UBE2A: variants seen among roughly 807,000 people sequenced by gnomAD.
UBE2A encodes ubiquitin conjugating enzyme E2 A.
For synonymous variants in UBE2A, 39 were observed against 41.1 expected (o/e 0.95, Z 0.20); for missense variants, 27 against 125.8 (o/e 0.21, Z 3.76).
At chrX:119,574,784 G>A (rs1255593153) in intron 1 of UBE2A, 29 bp downstream of exon 1, 7 of 1,183,422 alleles carry the variant, frequency 5.9e-6, no homozygotes, top group Non-Finnish European at 7.9e-6. Context: ...CGAGGCCGGG[G>A]GTTGCGAGCT....
At chrX:119,575,350 C>G (rs760578787) in intron 2 of UBE2A, 25 bp from the exon 3 acceptor site, 23 of 1,210,027 alleles carry the variant, frequency 1.9e-5, no homozygotes, top group Non-Finnish European at 2.3e-5. Flanking sequence ...TAAGTGGGAA[C>G]TGACCATTTT....
At chrX:119,580,842 T>C (rs1304272325) in intron 3 of UBE2A, 1 of 112,059 alleles carries the variant, frequency 8.9e-6, no homozygotes, top group Non-Finnish European at 1.9e-5. Flanking sequence ...ATTTTAAAAT[T>C]ATTTCTGCCA....
intron 4 of UBE2A, 38 bp downstream of exon 4, chrX:119,581,634 T>C: frequency 2.0e-6 from 2 of 1,014,188 alleles, no homozygotes; most frequent in Non-Finnish European, 2.8e-6. Context: ...TAAACTACTA[T>C]AGTGTTTATT....
chrX:119,577,180 C>T (rs1344818089), intron 3 of UBE2A: 1 of 112,326 alleles, frequency 8.9e-6, no homozygotes, highest in Non-Finnish European at 1.9e-5. Context: ...GCCTTGGCCT[C>T]CCAAAGTGCT....
chrX:119,578,086 C>A (rs1244011332), intron 3 of UBE2A, among the ~76,000 whole-genome samples: 4 of 111,710 alleles, frequency 3.6e-5, no homozygotes, highest in Non-Finnish European at 3.8e-5. Flanking sequence ...ACTTTTGCTT[C>A]TTTGTTGTAA....
Position 119,575,298 on chromosome X carries a change from C to A in UBE2A, c.126-77C>A, listed in dbSNP as rs1278684122. ...TAGCGGTGCTGGAGATGGCAGAGCT[C>A]GGGATAGCCATCTCAGATGAAGCAG... On this transcript the variant is annotated intron_variant, in intron 2 of 5. Transcript: ENST00000371558. 1.1e-4 allele frequency: 129 copies of A among 1,174,830 alleles called. 2 individuals carry two copies. The East Asian group carries it at 3.8e-3, about 35-fold the overall frequency.
At chrX:119,579,966 T>C (rs1359026548) in intron 3 of UBE2A, among the ~76,000 whole-genome samples, 1 of 112,022 alleles carries the variant, frequency 8.9e-6, no homozygotes, top group Admixed American at 9.5e-5. Context: ...CAATAAATAC[T>C]GAAAAGGAAG....
At chrX:119,578,169 T>C (rs1344597558) in intron 3 of UBE2A, among the ~76,000 whole-genome samples, 1 of 111,762 alleles carries the variant, frequency 8.9e-6, no homozygotes, top group Non-Finnish European at 1.9e-5. Context: ...CAAGCAACAC[T>C]TAAGGGTATT....
In UBE2A at chrX:119,575,409, G is replaced by A; in HGVS notation, c.151+9G>A. The A allele has an allele frequency of 8.3e-7, 1 of 1,211,580 alleles. No homozygotes were observed. Among genetic ancestry groups the A allele is most frequent in the African/African-American group, 1.7e-5 (1 of 57,722 alleles). On this transcript the variant is annotated intron_variant, in intron 3 of 5. Transcript: ENST00000371558. ...GACCCCGTTTGAGGATGGTAAGAGA[G>A]AGTTTCTTTACCCACTTTTCAGGAG...
chrX:119,576,435 T>TA (rs1433357682), intron 3 of UBE2A, among the ~76,000 whole-genome samples: 1 of 110,838 alleles, frequency 9.0e-6, no homozygotes, highest in East Asian at 2.8e-4. Flanking sequence ...TTTGAGGTTT[T>TA]AAAAAAAAGG....
chrX:119,576,758 A>C (rs2053418613), intron 3 of UBE2A, among the ~76,000 whole-genome samples: 1 of 111,582 alleles, frequency 9.0e-6, no homozygotes, highest in Non-Finnish European at 1.9e-5. Flanking sequence ...GGTAAATATC[A>C]TTACTCTTCA....
chrX:119,577,333 T>G (rs1336045372), intron 3 of UBE2A, among the ~76,000 whole-genome samples: 4 of 112,137 alleles, frequency 3.6e-5, no homozygotes, highest in African/African-American at 1.3e-4. Flanking sequence ...TACTCTGTTT[T>G]ATGCTGGGCA....
At chrX:119,582,527 C>G (rs973774826) in intron 4 of UBE2A, 61 bp from the exon 5 acceptor site, 3 of 919,178 alleles carry the variant, frequency 3.3e-6, no homozygotes, top group Non-Finnish European at 4.7e-6. Context: ...TTTGTTTTGT[C>G]TATAATGTTA....
At chrX:119,576,168 A>T (rs1227464854) in intron 3 of UBE2A, among the ~76,000 whole-genome samples, 3 of 111,925 alleles carry the variant, frequency 2.7e-5, no homozygotes, top group African/African-American at 9.8e-5. Flanking sequence ...ATTGCTTTTT[A>T]AAAACTTTCT....
In UBE2A at chrX:119,584,041, A is replaced by C. The variant is rs777479773; in HGVS notation, c.*786A>C. 9 of 112,381 alleles carry C rather than the reference A, an allele frequency of 8.0e-5. No individual in the cohort carries two copies. The highest frequency in any genetic ancestry group is 1.5e-4 in the Non-Finnish European group (8 of 53,271). 9.3% of individuals were successfully genotyped at this position (112,381 alleles called of 1,213,427 possible). A position where few individuals can be genotyped will look rare whatever the true frequency, so the allele number is the denominator to read the frequency against. ...GCTCCTTTAATCTTTTTAAAGGATC[A>C]GTGCTGCCCTAAGTGAATAAACTCA... On this transcript the variant is annotated 3_prime_UTR_variant, in exon 6 of 6. Coordinates refer to ENST00000371558, the MANE Select transcript of UBE2A (RefSeq NM_003336.4).
intron 3 of UBE2A, chrX:119,580,815 A>G (rs1392961234): frequency 1.8e-5 from 2 of 112,062 alleles, no homozygotes; most frequent in African/African-American, 6.5e-5. Context: ...ACATGAATGC[A>G]ATCTAAACCA....
At chrX:119,578,734 C>A (rs945214475) in intron 3 of UBE2A, among the ~76,000 whole-genome samples, 5 of 111,254 alleles carry the variant, frequency 4.5e-5, no homozygotes, top group African/African-American at 1.6e-4. Context: ...CTAGTTCAAC[C>A]ATATCACTCC....
In UBE2A at chrX:119,583,634, G is replaced by GA; in HGVS notation, c.*381dup. The GA allele has an allele frequency of 5.1e-6, 1 of 196,645 alleles. No individual in the cohort carries two copies. The highest frequency in any genetic ancestry group is 9.4e-6 in the Non-Finnish European group (1 of 106,085). The allele number at this position is 196,645 out of a possible 1,213,427, so 16.2% of individuals were successfully genotyped here. A position where few individuals can be genotyped will look rare whatever the true frequency, so the allele number is the denominator to read the frequency against. On this transcript the variant is annotated 3_prime_UTR_variant, in exon 6 of 6. Coordinates refer to ENST00000371558, the MANE Select transcript of UBE2A (RefSeq NM_003336.4). ...TGTTATTTTTAACAAAATGATTGCT[G>GA]AAGTGTTTCATCCTGGCTGGTCCTT...
chrX:119,574,801 C>T, intron 1 of UBE2A, 46 bp downstream of exon 1: 1 of 1,187,027 alleles, frequency 8.4e-7, no homozygotes, highest in South Asian at 1.8e-5. Context: ...AGCTGGGGCA[C>T]AGGGCGGGTC....
Sources: gnomAD v4.1 joint callset for allele counts (sites outside exome capture counted in the v4.1 genomes callset) on GRCh38, gnomAD v4.1.1 for gene constraint, MANE v1.5 for transcripts, NCBI Gene and HGNC (gene_info 2026-07-23, HGNC 2026-07-21) for gene names.